The following TENM1 variants were observed in gnomAD, a reference collection of about 807,000 sequenced individuals.
TENM1 encodes the protein teneurin transmembrane protein 1, also known as teneurin-1.
In TENM1, 35 loss-of-function variants were observed where a neutral mutation model predicts 174.8. That is an observed-to-expected ratio of 0.20 (90% CI 0.15 to 0.27). The LOEUF (loss-of-function observed/expected upper bound fraction) is 0.27. Ranked by LOEUF, TENM1 falls within the 10% of genes least tolerant of loss-of-function variation. The probability of loss-of-function intolerance (pLI) is 1.00; values close to 1 mark genes in which losing one functional copy is unlikely to be tolerated. For synonymous variants in TENM1, 781 were observed against 798.7 expected (o/e 0.98, Z 0.37); for missense variants, 1,633 against 2,130.1 (o/e 0.77, Z 4.59).
intron 4 of TENM1, among the ~76,000 whole-genome samples, chrX:124,712,413 T>C (rs2053078575): frequency 9.0e-6 from 1 of 111,670 alleles, no homozygotes; most frequent in Non-Finnish European, 1.9e-5. Context: ...AGGTGATATC[T>C]CATTGTGGTT....
chrX:124,413,516 C>T (rs1190045243), intron 25 of TENM1, among the ~76,000 whole-genome samples: 1 of 111,953 alleles, frequency 8.9e-6, no homozygotes, highest in African/African-American at 3.3e-5. Flanking sequence ...GGAGGGCACA[C>T]TCAGGTTACA....
intron 1 of TENM1, among the ~76,000 whole-genome samples, chrX:124,944,574 T>C (rs1356854865): frequency 9.0e-6 from 1 of 110,841 alleles, no homozygotes; most frequent in Non-Finnish European, 1.9e-5. Flanking sequence ...AAGATAATTA[T>C]GTGCCAGACA....
intron 22 of TENM1, among the ~76,000 whole-genome samples, chrX:124,455,802 C>T (rs2061098342): frequency 9.0e-6 from 1 of 111,179 alleles, no homozygotes; most frequent in African/African-American, 3.3e-5. Context: ...AAGTGTTGCT[C>T]TTATGAGGAG....
intron 20 of TENM1, 108 bp downstream of exon 23, chrX:124,496,907 TA>T: frequency 1.2e-6 from 1 of 811,388 alleles, no homozygotes; most frequent in Non-Finnish European, 1.8e-6. Flanking sequence ...AGTGCTACAA[TA>T]GGGGCAACTA....
At chrX:124,442,950 C>T (rs2060919842) in intron 23 of TENM1, among the ~76,000 whole-genome samples, 1 of 109,518 alleles carries the variant, frequency 9.1e-6, no homozygotes, top group Admixed American at 9.8e-5. Context: ...AGGCATAAGC[C>T]ACCATGCCTA....
chrX:124,786,000 T>A (rs1271704930), intron 3 of TENM1, among the ~76,000 whole-genome samples: 2 of 111,861 alleles, frequency 1.8e-5, no homozygotes, highest in Non-Finnish European at 3.8e-5. Context: ...ACTATTAGTA[T>A]AATAGGTCAA....
At chrX:125,131,379 G>A in the TENM1 span, among the ~76,000 whole-genome samples, 1 of 111,956 alleles carries the variant, frequency 8.9e-6, no homozygotes, top group Non-Finnish European at 1.9e-5. Context: ...TTTGTTTAAG[G>A]TATCAGCTGC....
rs182133886 is a variant in TENM1, at chrX:124,699,981, T to G, written c.1015+5032A>C. Among the ~76,000 whole-genome samples, 30 of 111,655 alleles carry G rather than the reference T, an allele frequency of 2.7e-4. 1 individual carries two copies. Among genetic ancestry groups the G allele is most frequent in the Admixed American group, 2.5e-3 (26 of 10,490 alleles). ...CATGATTGGGTCTATAAGAGTGAAT[T>G]GGAAGAAGTAATAAGTATTAAGCAT... On this transcript the variant is annotated intron_variant, in intron 5 of 31. Transcript: ENST00000422452.
chrX:125,092,932 C>T, the TENM1 span, among the ~76,000 whole-genome samples: 1,697 of 111,504 alleles, frequency 0.015, 23 homozygotes, highest in African/African-American at 0.053. Context: ...TTTTAGTATT[C>T]CTGCAGAACA....
intron 1 of TENM1, among the ~76,000 whole-genome samples, chrX:124,921,399 A>G: frequency 9.0e-6 from 1 of 111,396 alleles, no homozygotes. Flanking sequence ...ATTTATTTTT[A>G]TGAAAATTGG....
chrX:124,627,014 G>A (rs951957889), intron 11 of TENM1, among the ~76,000 whole-genome samples: 1 of 111,998 alleles, frequency 8.9e-6, no homozygotes, highest in African/African-American at 3.2e-5. Context: ...TCTGAAAAAG[G>A]TAGACATTAA....
exon 32 of TENM1, chrX:124,379,175 C>T (rs921572170): frequency 4.5e-5 from 5 of 112,047 alleles, no homozygotes; most frequent in African/African-American, 1.6e-4. Context: ...TTTAAATGAT[C>T]GCAGAACAAA....
At position 124,391,688 on chromosome X, in the gene TENM1, G is replaced by C. The variant is rs898186396; in HGVS notation, c.5688+364C>G. On this transcript the variant is annotated intron_variant, in intron 28 of 31. Transcript: ENST00000422452. The stretch of plus-strand genomic sequence containing the variant: ...CCTCTGGGTAAAAAGCCCTTTACCA[G>C]AGCTGAGTACATTAACACAATTTTA... Among the ~76,000 whole-genome samples, 5 of 111,803 alleles carry C rather than the reference G, an allele frequency of 4.5e-5. No homozygotes were observed. The East Asian group carries it at 1.4e-3, about 31-fold the overall frequency.
Position 124,784,049 on chromosome X carries a change from T to C in TENM1, c.536-46852A>G, listed in dbSNP as rs184189274. 3.8e-3 allele frequency among the ~76,000 whole-genome samples: 426 copies of C among 112,594 alleles called. 1 individual carries two copies. The highest frequency in any genetic ancestry group is 0.013 in the African/African-American group (396 of 31,104). On this transcript the variant is annotated intron_variant, in intron 3 of 31. Coordinates refer to ENST00000422452, the Ensembl canonical transcript of TENM1. ...AATTTGTCATTGGAGTCCAAAAAATTTAATTGCCTTCTACATGAAGAGAAA... is the reference window on the plus strand; with the variant it reads ...AATTTGTCATTGGAGTCCAAAAAATCTAATTGCCTTCTACATGAAGAGAAA...
At chrX:124,547,558 T>C (rs2048460029) in intron 14 of TENM1, among the ~76,000 whole-genome samples, 1 of 112,142 alleles carries the variant, frequency 8.9e-6, no homozygotes, top group Non-Finnish European at 1.9e-5. Flanking sequence ...TGTTGTCTAC[T>C]GGTAATGCTC....
At chrX:125,106,083 T>A in the TENM1 span, among the ~76,000 whole-genome samples, 1 of 111,985 alleles carries the variant, frequency 8.9e-6, no homozygotes, top group Admixed American at 9.5e-5. Flanking sequence ...CTTGCCTAAA[T>A]GAGTCCTTCT....
chrX:125,027,583 T>C, the TENM1 span, among the ~76,000 whole-genome samples: 1 of 109,171 alleles, frequency 9.2e-6, no homozygotes, highest in East Asian at 2.9e-4. Flanking sequence ...ATCATAACCA[T>C]AACTGACAAA....
intron 4 of TENM1, among the ~76,000 whole-genome samples, chrX:124,725,920 C>T (rs1159200015): frequency 4.4e-5 from 5 of 112,411 alleles, no homozygotes; most frequent in Non-Finnish European, 7.5e-5. Flanking sequence ...GGATAAGTAA[C>T]TTTGCAGTGA....
At chrX:124,420,681 T>C (rs1346731368) in exon 25 of TENM1, 2 of 1,211,861 alleles carry the variant, frequency 1.7e-6, no homozygotes, top group African/African-American at 1.7e-5. Flanking sequence ...TAAATGTTCA[T>C]GTCATTCAGG....
Sources: gnomAD v4.1 joint callset for allele counts (sites outside exome capture counted in the v4.1 genomes callset) on GRCh38, gnomAD v4.1.1 for gene constraint, MANE v1.5 for transcripts, NCBI Gene and HGNC (gene_info 2026-07-23, HGNC 2026-07-21) for gene names.